Variants in LCMT1 observed in about 807,000 individuals in gnomAD.
LCMT1 encodes leucine carboxyl methyltransferase 1.
LCMT1 carries 32 observed loss-of-function variants against 47.7 expected under a neutral mutation model. The observed-to-expected ratio is 0.67, with a 90% CI of 0.51 to 0.90. The LOEUF (loss-of-function observed/expected upper bound fraction) is 0.90. Ranked by LOEUF, LCMT1 falls within the 40% of genes least tolerant of loss-of-function variation. LCMT1 has a pLI of 0.00. For synonymous variants in LCMT1, 152 were observed against 149.7 expected, an observed-to-expected ratio of 1.02 and a Z score of -0.11; for missense variants, 375 against 415.2, an observed-to-expected ratio of 0.90 and a Z score of 0.84.
At chr16:25,145,682 G>A (rs1462580089) in intron 4 of LCMT1, 2 of 152,224 alleles carry the variant, frequency 1.3e-5, no homozygotes, top group Admixed American at 6.5e-5. Flanking sequence ...GAGGACCGAG[G>A]TGTTGCCTGG....
At chr16:25,176,959 C>T (rs1961964507) in intron 10 of LCMT1, among the ~76,000 whole-genome samples, 1 of 151,790 alleles carries the variant, frequency 6.6e-6, no homozygotes, top group South Asian at 2.1e-4. Context: ...GCAGGCAGAT[C>T]ACCTGAGGTC....
intron 9 of LCMT1, among the ~76,000 whole-genome samples, chr16:25,172,637 C>T (rs1961810574): frequency 6.6e-6 from 1 of 152,224 alleles, no homozygotes; most frequent in African/African-American, 2.4e-5. Context: ...TTTGGCTTTG[C>T]TTTTCCATAT....
Position 25,164,485 on chromosome 16 carries a change from T to C in LCMT1, c.570-113T>C, listed in dbSNP as rs577658157. 6.9e-6 allele frequency: 9 copies of C among 1,311,526 alleles called. No homozygotes were observed. The South Asian group carries it at 7.8e-5, about 11-fold the overall frequency. The allele number at this position is 1,311,526 out of a possible 1,614,324, so 81.2% of individuals were successfully genotyped here. On this transcript the variant is annotated intron_variant, in intron 6 of 10. Coordinates refer to ENST00000399069, the MANE Select transcript of LCMT1 (RefSeq NM_016309.3). ...GACTGGGGCTGTGCTTGCTCAGGCCTTCTGAGTTCCCTGGGGCATGGACCG... is the reference window on the plus strand; with the variant it reads ...GACTGGGGCTGTGCTTGCTCAGGCCCTCTGAGTTCCCTGGGGCATGGACCG...
At chr16:25,125,983 C>T (rs762042192) in intron 1 of LCMT1, 28 of 1,313,536 alleles carry the variant, frequency 2.1e-5, no homozygotes, top group African/African-American at 4.5e-5. Context: ...CAGCAGCGCC[C>T]GACAGCACTC....
intron 8 of LCMT1, 140 bp downstream of exon 8, chr16:25,169,353 C>T: frequency 1.7e-6 from 1 of 605,068 alleles, no homozygotes; most frequent in Admixed American, 2.8e-5. Context: ...TCCATGTGGG[C>T]CGCTAGTTCA....
At chr16:25,122,489 A>T (rs977079596) in intron 1 of LCMT1, among the ~76,000 whole-genome samples, 1 of 151,422 alleles carries the variant, frequency 6.6e-6, no homozygotes, top group Non-Finnish European at 1.5e-5. Context: ...TTTTTAATTT[A>T]TTTTTATTTT....
At position 25,153,974 on chromosome 16, in the gene LCMT1, C is replaced by T. The variant is rs73565007; in HGVS notation, c.466+2359C>T. ...GTCTATCCAAAAGAAAAAATTTCTACCAGTCTGGTAGGCCAAAATGATGCC... is the reference window on the plus strand; with the variant it reads ...GTCTATCCAAAAGAAAAAATTTCTATCAGTCTGGTAGGCCAAAATGATGCC... On this transcript the variant is annotated intron_variant, in intron 5 of 10. Coordinates refer to ENST00000399069, the MANE Select transcript of LCMT1 (RefSeq NM_016309.3). Among the ~76,000 whole-genome samples the T allele has an allele frequency of 3.3e-3, 504 of 152,018 alleles. 2 individuals carry two copies. Among genetic ancestry groups the T allele is most frequent in the African/African-American group, 0.012 (485 of 41,468 alleles).
rs73563459 is a variant in LCMT1 at position 25,136,862 on chromosome 16, G to A, written c.328-3309G>A. On this transcript the variant is annotated intron_variant, in intron 3 of 10. Transcript: ENST00000399069. ...CAGGATGTCTTTCTTAAGCGCTCCG[G>A]GTGTGCCTTTTGTAAGCTTTCTCTG... 8.9e-3 allele frequency among the ~76,000 whole-genome samples: 1,352 copies of A among 152,100 alleles called. 18 individuals carry two copies. The highest frequency in any genetic ancestry group is 0.031 in the African/African-American group (1,286 of 41,500).
intron 7 of LCMT1, among the ~76,000 whole-genome samples, chr16:25,168,380 A>T (rs758866341): frequency 3.9e-5 from 6 of 152,230 alleles, no homozygotes; most frequent in African/African-American, 7.2e-5. Context: ...AATAGTGTAT[A>T]TACTACAATG....
intron 2 of LCMT1, among the ~76,000 whole-genome samples, chr16:25,129,011 A>T (rs1046728576): frequency 6.9e-6 from 1 of 145,532 alleles, no homozygotes; most frequent in African/African-American, 2.5e-5. Flanking sequence ...CCAGTGTGTG[A>T]TGTTCCCCTC....
chr16:25,134,013 C>T lies in LCMT1; in HGVS notation c.327+1490C>T, dbSNP rs774875977. On this transcript the variant is annotated intron_variant, in intron 3 of 10. Transcript: ENST00000399069. ...TGCCACCGCACTCCAGCCTGGGCGA[C>T]GAGTGAGACTTCGTCTCTTAAAAAA... is the stretch of plus-strand genomic sequence containing the variant. 1.6e-3 allele frequency among the ~76,000 whole-genome samples: 230 copies of T among 142,814 alleles called. 2 individuals are homozygous for T. The highest frequency in any genetic ancestry group is 2.6e-3 in the Non-Finnish European group (176 of 66,676). 93.7% of individuals were successfully genotyped at this position (142,814 alleles called of 152,430 possible).
intron 10 of LCMT1, among the ~76,000 whole-genome samples, chr16:25,175,730 C>T (rs1025084304): frequency 6.6e-6 from 1 of 152,110 alleles, no homozygotes; most frequent in Non-Finnish European, 1.5e-5. Context: ...TGTGCCTGGC[C>T]GGAACTTTTC....
chr16:25,114,492 A>G (rs1435424657), intron 1 of LCMT1, among the ~76,000 whole-genome samples: 1 of 152,074 alleles, frequency 6.6e-6, no homozygotes. Flanking sequence ...TCAATTGAGC[A>G]CTTTTCATGG....
chr16:25,144,716 A>C (rs1960797509), intron 4 of LCMT1: 1 of 152,134 alleles, frequency 6.6e-6, no homozygotes, highest in African/African-American at 2.4e-5. Context: ...TCCCTGTGTC[A>C]GCTTAGATGC....
At chr16:25,129,048 A>C (rs903666943) in intron 2 of LCMT1, among the ~76,000 whole-genome samples, 1 of 147,672 alleles carries the variant, frequency 6.8e-6, no homozygotes, top group African/African-American at 2.5e-5. Context: ...TCACTGTTCA[A>C]CTCCCATTTA....
In LCMT1 at chr16:25,161,148, T is replaced by A; in HGVS notation, c.513T>A (p.Asp171Glu). The change falls in exon 6 of 11, where the codon GAT becomes GAA. Residue 171 changes from aspartate to glutamate, a missense_variant. Coordinates refer to ENST00000399069, the MANE Select transcript of LCMT1 (RefSeq NM_016309.3). Reference protein sequence around the residue: ...DSKRYAVIGADLRDLSELEEK... With the variant: ...DSKRYAVIGAELRDLSELEEK... Reference sequence around the variant, plus strand: ...AGAGATATGCCGTTATTGGAGCAGATCTCCGAGACCTGTCTGAACTGGAAG... The same window carrying A: ...AGAGATATGCCGTTATTGGAGCAGAACTCCGAGACCTGTCTGAACTGGAAG... The A allele has an allele frequency of 6.2e-7, 1 of 1,611,254 alleles. No homozygotes were observed. The highest frequency in any genetic ancestry group is 8.5e-7 in the Non-Finnish European group (1 of 1,178,848).
intron 3 of LCMT1, among the ~76,000 whole-genome samples, chr16:25,139,735 T>C (rs1253633013): frequency 6.6e-6 from 1 of 152,188 alleles, no homozygotes; most frequent in Admixed American, 6.5e-5. Flanking sequence ...TCTCGCTGTG[T>C]TGCCCAGGAT....
intron 7 of LCMT1, among the ~76,000 whole-genome samples, chr16:25,167,243 G>C (rs540859897): frequency 1.3e-5 from 2 of 151,886 alleles, no homozygotes; most frequent in Non-Finnish European, 2.9e-5. Context: ...CCTAACAAAC[G>C]CAAAATGACC....
intron 8 of LCMT1, chr16:25,169,465 G>T: frequency 2.9e-6 from 1 of 345,818 alleles, no homozygotes; most frequent in Non-Finnish European, 5.4e-6. Context: ...AAAGGTAGAG[G>T]GAATGGTGAA....
Sources: allele counts gnomAD v4.1 joint callset (sites outside exome capture counted in the v4.1 genomes callset), GRCh38; gene constraint gnomAD v4.1.1; transcripts MANE v1.5; gene names NCBI Gene and HGNC (gene_info 2026-07-23, HGNC 2026-07-21).